The following SNTB2 variants were observed in gnomAD, a reference collection of about 807,000 sequenced individuals.
The protein encoded by SNTB2 is syntrophin beta 2, also known as beta-2-syntrophin.
A neutral mutation model predicts 46.2 loss-of-function variants in SNTB2; 34 were observed. The ratio of observed to expected loss-of-function variants is 0.74; its 90% CI spans 0.56 to 0.98. SNTB2 has a LOEUF of 0.98. Ranked by LOEUF, SNTB2 falls within the 50% of genes least tolerant of loss-of-function variation. The pLI is 0.00. For missense variants in SNTB2, 603 were observed against 731.4 expected (o/e 0.82, Z 2.02); for synonymous variants, 290 against 312.6 (o/e 0.93, Z 0.76).
At position 69,292,368 on chromosome 16, in the gene SNTB2, ATATATATATATTATATATATAT is replaced by A. The variant is rs1280480181; in HGVS notation, c.1346-7210_1346-7189del. On this transcript the variant is annotated intron_variant, in intron 5 of 6. Coordinates refer to ENST00000336278, the MANE Select transcript of SNTB2 (RefSeq NM_006750.4). The stretch of plus-strand genomic sequence containing the variant: ...CACCTTATTTTTTATATATATATAT[ATATATATATATTATATATATAT>A]TATATATATATATATATTATATATA... 6.4e-4 allele frequency among the ~76,000 whole-genome samples: 17 copies of A among 26,378 alleles called. 1 individual carries two copies. The highest frequency in any genetic ancestry group is 2.9e-3 in the South Asian group (3 of 1,030). The allele number at this position is 26,378 out of a possible 152,430, so 17.3% of individuals were successfully genotyped here. A position where few individuals can be genotyped will look rare whatever the true frequency, so the allele number is the denominator to read the frequency against.
intron 1 of SNTB2, among the ~76,000 whole-genome samples, chr16:69,227,638 A>G (rs1011258303): frequency 6.6e-6 from 1 of 152,202 alleles, no homozygotes; most frequent in African/African-American, 2.4e-5. Context: ...GTTGACTTTT[A>G]TAGTGTCTTG....
intron 1 of SNTB2, among the ~76,000 whole-genome samples, chr16:69,197,800 C>CT (rs1964118891): frequency 6.6e-6 from 1 of 152,184 alleles, no homozygotes; most frequent in Non-Finnish European, 1.5e-5. Flanking sequence ...ATTGTTAGCT[C>CT]TGTTTTCATT....
At chr16:69,263,310 G>A (rs1964854226) in intron 3 of SNTB2, among the ~76,000 whole-genome samples, 1 of 151,478 alleles carries the variant, frequency 6.6e-6, no homozygotes, top group African/African-American at 2.4e-5. Context: ...GGATCTCACT[G>A]TGTTGCCCAG....
intron 5 of SNTB2, among the ~76,000 whole-genome samples, chr16:69,284,458 CTAAAAAA>C (rs1965080666): frequency 2.0e-5 from 1 of 48,898 alleles, no homozygotes; most frequent in African/African-American, 1.0e-4. Flanking sequence ...CCCGTCTTTA[CTAAAAAA>C]AAAAAAAAAA....
chr16:69,295,861 C>G (rs996228035), intron 5 of SNTB2, among the ~76,000 whole-genome samples: 1 of 152,182 alleles, frequency 6.6e-6, no homozygotes, highest in Admixed American at 6.5e-5. Context: ...ACTTAATCAT[C>G]ATTGCATCAC....
chr16:69,260,968 A>C (rs971857990), intron 3 of SNTB2, among the ~76,000 whole-genome samples: 8 of 152,218 alleles, frequency 5.3e-5, no homozygotes, highest in Admixed American at 6.5e-5. Flanking sequence ...TTTAGATCCC[A>C]GGTTTGACAA....
intron 1 of SNTB2, among the ~76,000 whole-genome samples, chr16:69,208,031 C>G (rs1473108052): frequency 6.6e-6 from 1 of 150,682 alleles, no homozygotes; most frequent in Non-Finnish European, 1.5e-5. Flanking sequence ...ATTGCTTGAA[C>G]CTGGGAGGTA....
chr16:69,227,442 G>T (rs1459178060), intron 1 of SNTB2, among the ~76,000 whole-genome samples: 2 of 152,280 alleles, frequency 1.3e-5, no homozygotes, highest in East Asian at 3.9e-4. Context: ...TTAATTTCAA[G>T]CCACTGTCAC....
At chr16:69,190,735 T>C (rs11075709) in intron 1 of SNTB2, among the ~76,000 whole-genome samples, 21,902 of 151,974 alleles carry the variant, frequency 0.14, 1,697 homozygotes, top group Middle Eastern at 0.24. Flanking sequence ...TAGGGTAGAG[T>C]AGAAGCAAGG....
chr16:69,208,499 T>C (rs1356516528), intron 1 of SNTB2, among the ~76,000 whole-genome samples: 2 of 152,218 alleles, frequency 1.3e-5, no homozygotes, highest in Non-Finnish European at 2.9e-5. Context: ...CTTAAACCAT[T>C]TGCTGTGTAT....
intron 5 of SNTB2, among the ~76,000 whole-genome samples, chr16:69,294,553 A>G (rs1423568135): frequency 2.7e-5 from 4 of 150,756 alleles, no homozygotes; most frequent in African/African-American, 9.8e-5. Flanking sequence ...GCAAAACCCT[A>G]TCTCTACTGA....
intron 1 of SNTB2, among the ~76,000 whole-genome samples, chr16:69,238,068 A>G (rs1234941979): frequency 1.3e-5 from 2 of 152,042 alleles, no homozygotes; most frequent in Non-Finnish European, 1.5e-5. Context: ...CCTTCTCTAC[A>G]TGCCATCTGT....
At chr16:69,227,246 T>C (rs1964468038) in intron 1 of SNTB2, among the ~76,000 whole-genome samples, 1 of 152,242 alleles carries the variant, frequency 6.6e-6, no homozygotes, top group East Asian at 1.9e-4. Context: ...ATAATTCATC[T>C]AATCAATATT....
In SNTB2 at chr16:69,299,738, T is replaced by C. The variant is rs757427770; in HGVS notation, c.1494T>C (p.Asn498=). The change falls in exon 6 of 7, where the codon AAT becomes AAC. Residue 498 remains asparagine, a synonymous_variant. Coordinates refer to ENST00000336278, the MANE Select transcript of SNTB2 (RefSeq NM_006750.4). ...LKMSADDGIR[N]LYLDFGGPEG... ...TGTCTGCTGATGATGGCATCCGAAA[T>C]CTATACTTGGATTTTGGTGGTCCCG... 2 of 1,614,156 alleles carry C rather than the reference T, an allele frequency of 1.2e-6. No homozygotes were observed. The highest frequency in any genetic ancestry group is 3.3e-5 in the Admixed American group (2 of 60,026).
chr16:69,232,613 G>A lies in SNTB2; in HGVS notation c.581-12989G>A, dbSNP rs1033386522. Among the ~76,000 whole-genome samples the A allele has an allele frequency of 1.5e-4, 21 of 144,568 alleles. No individual in the cohort carries two copies. The Admixed American group carries it at 1.5e-3, about 10-fold the overall frequency. The allele number at this position is 144,568 out of a possible 152,430, so 94.8% of individuals were successfully genotyped here. A position where few individuals can be genotyped will look rare whatever the true frequency, so the allele number is the denominator to read the frequency against. ...TGCAACCTCTGCCTCCCGGGTTCAA[G>A]CGATTCTCTTGCCTCAGCCTCCCGA... On this transcript the variant is annotated intron_variant, in intron 1 of 6. Transcript: ENST00000336278.
At chr16:69,217,324 A>C (rs1267288524) in intron 1 of SNTB2, among the ~76,000 whole-genome samples, 1 of 152,122 alleles carries the variant, frequency 6.6e-6, no homozygotes, top group African/African-American at 2.4e-5. Flanking sequence ...AAATACAAAA[A>C]TTAGCCGAAC....
chr16:69,274,189 G>A (rs553507861), intron 4 of SNTB2, among the ~76,000 whole-genome samples: 1 of 151,804 alleles, frequency 6.6e-6, no homozygotes, highest in East Asian at 1.9e-4. Flanking sequence ...GCATATGCCC[G>A]TAATCCCAGC....
chr16:69,188,504 T>C (rs1393744230), intron 1 of SNTB2, among the ~76,000 whole-genome samples: 2 of 152,240 alleles, frequency 1.3e-5, no homozygotes, highest in Non-Finnish European at 2.9e-5. Flanking sequence ...GATTATTCTT[T>C]ACGTTAAGTT....
At chr16:69,237,311 T>G (rs924022653) in intron 1 of SNTB2, among the ~76,000 whole-genome samples, 1 of 152,164 alleles carries the variant, frequency 6.6e-6, no homozygotes, top group Non-Finnish European at 1.5e-5. Context: ...TAGAGTGCAT[T>G]GCCATACATA....
Sources: gnomAD v4.1 joint callset for allele counts (sites outside exome capture counted in the v4.1 genomes callset) on GRCh38, gnomAD v4.1.1 for gene constraint, MANE v1.5 for transcripts, NCBI Gene and HGNC (gene_info 2026-07-23, HGNC 2026-07-21) for gene names.